ZNF385B: variants seen among roughly 807,000 people sequenced by gnomAD.
The protein encoded by ZNF385B is zinc finger protein 533.
Under a neutral mutation model 39.2 loss-of-function variants are expected in ZNF385B, and 23 were observed. That is an observed-to-expected ratio of 0.59 (90% confidence interval 0.42 to 0.83). ZNF385B has a LOEUF of 0.83. Ranked by LOEUF, ZNF385B falls within the 40% of genes least tolerant of loss-of-function variation. ZNF385B has a pLI of 0.00. For missense variants in ZNF385B, 552 were observed against 598.9 expected, an observed-to-expected ratio of 0.92 and a Z score of 0.82; for synonymous variants, 205 against 222.6, an observed-to-expected ratio of 0.92 and a Z score of 0.70.
chr2:179,639,365 A>G lies in ZNF385B; in HGVS notation c.299-94396T>C, dbSNP rs116616086. 8.7e-3 allele frequency among the ~76,000 whole-genome samples: 1,324 copies of G among 152,234 alleles called. 19 individuals carry two copies. The highest frequency in any genetic ancestry group is 0.031 in the African/African-American group (1,276 of 41,554). ...TTGTATAGCATGGTGACTACAGTTAATAATAATGTATTATATACTTGAAAT... is the reference window on the plus strand; with the variant it reads ...TTGTATAGCATGGTGACTACAGTTAGTAATAATGTATTATATACTTGAAAT... On this transcript the variant is annotated intron_variant, in intron 3 of 9. Coordinates refer to ENST00000410066, the MANE Select transcript of ZNF385B (RefSeq NM_152520.6).
At chr2:179,623,281 T>C (rs1337498407) in intron 3 of ZNF385B, among the ~76,000 whole-genome samples, 1 of 152,118 alleles carries the variant, frequency 6.6e-6, no homozygotes, top group African/African-American at 2.4e-5. Context: ...CTTTTTTTTT[T>C]TTAACCTGGA....
intron 3 of ZNF385B, among the ~76,000 whole-genome samples, chr2:179,701,458 A>G (rs983857021): frequency 6.6e-6 from 1 of 152,214 alleles, no homozygotes; most frequent in African/African-American, 2.4e-5. Flanking sequence ...CTTGTGTAGT[A>G]GAAACAATTA....
chr2:179,546,105 G>T (rs916854321), intron 3 of ZNF385B, among the ~76,000 whole-genome samples: 1 of 152,038 alleles, frequency 6.6e-6, no homozygotes, highest in Non-Finnish European at 1.5e-5. Flanking sequence ...TGTGATCATG[G>T]TTCACTGTAG....
intron 3 of ZNF385B, among the ~76,000 whole-genome samples, chr2:179,663,100 C>A (rs138718721): frequency 6.6e-6 from 1 of 152,126 alleles, no homozygotes; most frequent in Non-Finnish European, 1.5e-5. Flanking sequence ...CTTGCATGAA[C>A]TTCTGTAATA....
rs1196666657 is a variant in ZNF385B at position 179,740,695 on chromosome 2, G to C, written c.298+28808C>G. ...GACATTGATGCCAACATGGGGACGG[G>C]AGTAGACTATTTAAGGTAAAAAGGG... is the stretch of plus-strand genomic sequence containing the variant. On this transcript the variant is annotated intron_variant, in intron 3 of 9. Coordinates refer to ENST00000410066, the MANE Select transcript of ZNF385B (RefSeq NM_152520.6). Among the ~76,000 whole-genome samples the C allele has an allele frequency of 4.6e-5, 7 of 152,272 alleles. No individual in the cohort carries two copies. The East Asian group carries it at 1.4e-3, about 29-fold the overall frequency.
At position 179,764,163 on chromosome 2, in the gene ZNF385B, T is replaced by C. The variant is rs574903115; in HGVS notation, c.298+5340A>G. Among the ~76,000 whole-genome samples the C allele has an allele frequency of 3.3e-5, 5 of 152,302 alleles. No homozygotes were observed. The East Asian group carries it at 7.7e-4, about 23-fold the overall frequency. On this transcript the variant is annotated intron_variant, in intron 3 of 9. Coordinates refer to ENST00000410066, the MANE Select transcript of ZNF385B (RefSeq NM_152520.6). Reference sequence around the variant, plus strand: ...TCTGGTGCATGAACATTTAGGATCATTAGGTCTTCCTGGTGAGTTGAATAT... The same window carrying C: ...TCTGGTGCATGAACATTTAGGATCACTAGGTCTTCCTGGTGAGTTGAATAT...
chr2:179,524,702 T>C (rs1400590921), intron 4 of ZNF385B, among the ~76,000 whole-genome samples: 2 of 151,654 alleles, frequency 1.3e-5, no homozygotes, highest in African/African-American at 4.9e-5. Flanking sequence ...ATTTAAAAAG[T>C]TAAAAAGTGA....
At chr2:179,625,492 C>T (rs541120827) in intron 3 of ZNF385B, among the ~76,000 whole-genome samples, 7 of 151,742 alleles carry the variant, frequency 4.6e-5, no homozygotes, top group South Asian at 4.1e-4. Context: ...CCTTAATAAG[C>T]GGCTACAATC....
intron 3 of ZNF385B, among the ~76,000 whole-genome samples, chr2:179,591,067 T>A (rs369460773): frequency 6.6e-5 from 10 of 150,956 alleles, no homozygotes; most frequent in African/African-American, 2.4e-4. Context: ...GTTACAAAGA[T>A]AAAGTATCTT....
chr2:179,694,161 G>A (rs928931175), intron 3 of ZNF385B, among the ~76,000 whole-genome samples: 7 of 152,024 alleles, frequency 4.6e-5, no homozygotes, highest in African/African-American at 1.4e-4. Flanking sequence ...ACATGCCATC[G>A]TTAACTCATA....
intron 6 of ZNF385B, among the ~76,000 whole-genome samples, chr2:179,476,254 A>C (rs750631397): frequency 5.9e-5 from 9 of 152,230 alleles, no homozygotes; most frequent in Admixed American, 5.9e-4. Context: ...ATACATTTAC[A>C]GAATTATTCA....
rs1026924903 is a variant in ZNF385B, at chr2:179,458,122, A to C, written c.716-11352T>G. ...ATATCTAAGTTACATGATGCCATAG[A>C]AAGCATACCATATGATATGGTTTGG... On this transcript the variant is annotated intron_variant, in intron 6 of 9. Transcript: ENST00000410066. 2.0e-5 allele frequency among the ~76,000 whole-genome samples: 3 copies of C among 152,164 alleles called. No individual in the cohort carries two copies. The South Asian group carries it at 6.2e-4, about 32-fold the overall frequency.
intron 3 of ZNF385B, among the ~76,000 whole-genome samples, chr2:179,751,399 C>A (rs1335568408): frequency 6.6e-6 from 1 of 152,040 alleles, no homozygotes; most frequent in Non-Finnish European, 1.5e-5. Flanking sequence ...TGTGGTAATT[C>A]TGTGGTATCG....
intron 3 of ZNF385B, among the ~76,000 whole-genome samples, chr2:179,727,587 A>G (rs181804969): frequency 4.2e-4 from 64 of 152,246 alleles, no homozygotes; most frequent in African/African-American, 1.5e-3. Flanking sequence ...ATAGCAGTGT[A>G]GCCATTCTGC....
chr2:179,546,067 C>T (rs978193238), intron 3 of ZNF385B, among the ~76,000 whole-genome samples: 4 of 152,084 alleles, frequency 2.6e-5, no homozygotes, highest in African/African-American at 9.7e-5. Flanking sequence ...CAAGGTCTCA[C>T]TCTGTCACCC....
intron 3 of ZNF385B, among the ~76,000 whole-genome samples, chr2:179,609,217 C>T (rs973670734): frequency 6.6e-6 from 1 of 152,056 alleles, no homozygotes; most frequent in African/African-American, 2.4e-5. Context: ...CCCTCCCCAA[C>T]CCTACTACCC....
chr2:179,815,115 G>C (rs952753294), intron 1 of ZNF385B, among the ~76,000 whole-genome samples: 1 of 152,168 alleles, frequency 6.6e-6, no homozygotes, highest in Non-Finnish European at 1.5e-5. Context: ...AGAGCTATGA[G>C]CAAACAAATC....
intron 3 of ZNF385B, among the ~76,000 whole-genome samples, chr2:179,667,141 G>C (rs1695272237): frequency 6.6e-6 from 1 of 152,062 alleles, no homozygotes; most frequent in Non-Finnish European, 1.5e-5. Flanking sequence ...CCCACCAAAA[G>C]GGAAAGATTC....
chr2:179,861,317 A>T lies in ZNF385B; in HGVS notation c.-371T>A, dbSNP rs994815546. On this transcript the variant is annotated 5_prime_UTR_variant, in exon 1 of 10. Coordinates refer to ENST00000410066, the MANE Select transcript of ZNF385B (RefSeq NM_152520.6). The stretch of plus-strand genomic sequence containing the variant: ...ACAGCTCGGCCCGGCGCGGCCCCTG[A>T]ACTGTCCAACTCTTGCCCGCGCCGG... The T allele has an allele frequency of 5.2e-5, 8 of 153,290 alleles. No homozygotes were observed. Among genetic ancestry groups the T allele is most frequent in the Non-Finnish European group, 7.2e-5 (5 of 69,270 alleles). 9.5% of individuals were successfully genotyped at this position (153,290 alleles called of 1,614,324 possible). A position where few individuals can be genotyped will look rare whatever the true frequency, so the allele number is the denominator to read the frequency against.
Sources: allele counts gnomAD v4.1 joint callset (sites outside exome capture counted in the v4.1 genomes callset), GRCh38; gene constraint gnomAD v4.1.1; transcripts MANE v1.5; gene names NCBI Gene and HGNC (gene_info 2026-07-23, HGNC 2026-07-21).